The following ARNT2 variants were observed in gnomAD, a reference collection of about 807,000 sequenced individuals.
ARNT2 encodes ARNT protein 2.
A neutral mutation model predicts 91.7 loss-of-function variants in ARNT2; 36 were observed. The observed-to-expected ratio is 0.39, with a 90% CI of 0.30 to 0.52. The LOEUF (loss-of-function observed/expected upper bound fraction) is 0.52. Ranked by LOEUF, ARNT2 falls within the 20% of genes least tolerant of loss-of-function variation. The probability of loss-of-function intolerance (pLI) is 0.72; values close to 1 mark genes in which losing one functional copy is unlikely to be tolerated. For synonymous variants in ARNT2, 365 were observed against 347.1 expected (o/e 1.05, Z -0.57); for missense variants, 775 against 939.3 (o/e 0.83, Z 2.29).
chr15:80,507,179 G>A (rs1897287198), intron 5 of ARNT2, among the ~76,000 whole-genome samples: 1 of 152,226 alleles, frequency 6.6e-6, no homozygotes, highest in African/African-American at 2.4e-5. Context: ...TTAAATACTG[G>A]AGGAAGTAGA....
intron 1 of ARNT2, among the ~76,000 whole-genome samples, chr15:80,405,368 G>T (rs1332193575): frequency 6.6e-6 from 1 of 152,154 alleles, no homozygotes; most frequent in Non-Finnish European, 1.5e-5. Flanking sequence ...ACTTTTGGGT[G>T]TTGTGCAGAG....
At chr15:80,476,971 C>T (rs940773108) in intron 5 of ARNT2, among the ~76,000 whole-genome samples, 3 of 152,186 alleles carry the variant, frequency 2.0e-5, no homozygotes, top group African/African-American at 7.2e-5. Flanking sequence ...GTACCATCCT[C>T]TTGGTCCTGC....
At chr15:80,426,884 G>A (rs954133940) in intron 1 of ARNT2, among the ~76,000 whole-genome samples, 14 of 152,148 alleles carry the variant, frequency 9.2e-5, no homozygotes, top group African/African-American at 2.2e-4. Flanking sequence ...CTGGCTTGCG[G>A]ACAGCCACCT....
At chr15:80,531,019 A>T (rs1897730186) in intron 8 of ARNT2, among the ~76,000 whole-genome samples, 1 of 152,210 alleles carries the variant, frequency 6.6e-6, no homozygotes, top group South Asian at 2.1e-4. Context: ...TTGGCCAAAG[A>T]AGCTTTTTTT....
At chr15:80,467,771 T>C (rs1896676969) in intron 3 of ARNT2, among the ~76,000 whole-genome samples, 2 of 152,102 alleles carry the variant, frequency 1.3e-5, no homozygotes, top group African/African-American at 4.8e-5. Flanking sequence ...TGAGAGCTCC[T>C]CTAGGCCTTT....
At chr15:80,408,865 A>G (rs1023826221) in intron 1 of ARNT2, among the ~76,000 whole-genome samples, 1 of 152,188 alleles carries the variant, frequency 6.6e-6, no homozygotes, top group Non-Finnish European at 1.5e-5. Context: ...CCTTCAGTAT[A>G]TATTTATTTT....
chr15:80,541,162 A>G (rs754366013), intron 8 of ARNT2, among the ~76,000 whole-genome samples: 1 of 151,934 alleles, frequency 6.6e-6, no homozygotes, highest in Non-Finnish European at 1.5e-5. Context: ...TTGTTTTTTG[A>G]CTTTTTAATA....
chr15:80,496,349 C>T (rs960041826), intron 5 of ARNT2, among the ~76,000 whole-genome samples: 1 of 152,190 alleles, frequency 6.6e-6, no homozygotes, highest in Non-Finnish European at 1.5e-5. Flanking sequence ...AATGGGAGAA[C>T]TTGCTCAGCA....
chr15:80,575,167 GC>G, intron 14 of ARNT2, 57 bp downstream of exon 14: 1 of 1,596,192 alleles, frequency 6.3e-7, no homozygotes, highest in Non-Finnish European at 8.6e-7. Context: ...TTGCTTTCAG[GC>G]CATCTACAGA....
chr15:80,550,241 C>T (rs1311976561), intron 8 of ARNT2, among the ~76,000 whole-genome samples: 1 of 152,122 alleles, frequency 6.6e-6, no homozygotes, highest in East Asian at 1.9e-4. Flanking sequence ...GTGAATGGAA[C>T]AAGGATGGAA....
At chr15:80,434,897 C>A (rs142110313) in intron 1 of ARNT2, among the ~76,000 whole-genome samples, 1 of 151,924 alleles carries the variant, frequency 6.6e-6, no homozygotes, top group Admixed American at 6.5e-5. Flanking sequence ...AGGTCCTGGG[C>A]GCAGGGTGGG....
intron 1 of ARNT2, among the ~76,000 whole-genome samples, chr15:80,430,842 G>A (rs1260974176): frequency 6.6e-6 from 1 of 152,112 alleles, no homozygotes; most frequent in Non-Finnish European, 1.5e-5. Context: ...GCAGCAGTGG[G>A]CACAGATATG....
Position 80,593,758 on chromosome 15 carries a change from A to G in ARNT2, c.*60A>G. Reference sequence around the variant, plus strand: ...CACCCATACTGTGATGTCGATGCCCATGTGAATGAGGCCCACCCTCGCCCT... The same window carrying G: ...CACCCATACTGTGATGTCGATGCCCGTGTGAATGAGGCCCACCCTCGCCCT... On this transcript the variant is annotated 3_prime_UTR_variant, in exon 19 of 19. Transcript: ENST00000303329. 2 of 1,476,618 alleles carry G rather than the reference A, an allele frequency of 1.4e-6. No individual in the cohort carries two copies. The highest frequency in any genetic ancestry group is 1.7e-4 in the Middle Eastern group (1 of 5,758). 91.5% of individuals were successfully genotyped at this position (1,476,618 alleles called of 1,614,324 possible).
chr15:80,526,430 A>G (rs1340880699), intron 8 of ARNT2, among the ~76,000 whole-genome samples: 1 of 152,260 alleles, frequency 6.6e-6, no homozygotes, highest in Non-Finnish European at 1.5e-5. Context: ...ATGGACTAAC[A>G]TTCAGCTTTG....
intron 3 of ARNT2, among the ~76,000 whole-genome samples, chr15:80,467,833 G>A (rs896537294): frequency 1.2e-4 from 19 of 152,146 alleles, no homozygotes; most frequent in African/African-American, 4.3e-4. Flanking sequence ...GGAGTCAAAT[G>A]CAGGAGACGT....
intron 1 of ARNT2, among the ~76,000 whole-genome samples, chr15:80,408,033 T>C (rs1595949784): frequency 6.6e-6 from 1 of 152,370 alleles, no homozygotes; most frequent in Non-Finnish European, 1.5e-5. Flanking sequence ...AATTATGTTT[T>C]AAGAGATTTG....
Position 80,457,969 on chromosome 15 carries a change from T to A in ARNT2, c.187T>A (p.Phe63Ile). The A allele has an allele frequency of 6.2e-7, 1 of 1,613,848 alleles. No individual in the cohort carries two copies. The highest frequency in any genetic ancestry group is 8.5e-7 in the Non-Finnish European group (1 of 1,179,852). The change falls in exon 3 of 19, where the codon TTT becomes ATT. Residue 63 changes from phenylalanine (F) to isoleucine (I), a missense_variant. Transcript: ENST00000303329. ...DDEDGEGPSK[F>I]SRENHSEIER... ...TGAAGATGGTGAAGGCCCCAGTAAATTTTCAAGGTAAGTTTATTTTATTTT... is the reference window on the plus strand; with the variant it reads ...TGAAGATGGTGAAGGCCCCAGTAAAATTTCAAGGTAAGTTTATTTTATTTT...
chr15:80,437,457 T>C (rs1284160174), intron 1 of ARNT2, among the ~76,000 whole-genome samples: 1 of 152,242 alleles, frequency 6.6e-6, no homozygotes, highest in Non-Finnish European at 1.5e-5. Context: ...CATTTACTAC[T>C]GTACTAATCA....
intron 2 of ARNT2, among the ~76,000 whole-genome samples, chr15:80,452,827 G>A (rs141645557): frequency 1.3e-5 from 2 of 152,314 alleles, no homozygotes; most frequent in African/African-American, 4.8e-5. Flanking sequence ...GCGGTGAGCC[G>A]AGGCTGCTTC....
Sources: allele counts gnomAD v4.1 joint callset (sites outside exome capture counted in the v4.1 genomes callset), GRCh38; gene constraint gnomAD v4.1.1; transcripts MANE v1.5; gene names NCBI Gene and HGNC (gene_info 2026-07-23, HGNC 2026-07-21).